Variants in CNTN5 observed in about 807,000 individuals in gnomAD.
The protein encoded by CNTN5 is contactin-5.
In CNTN5, 77 loss-of-function variants were observed where a neutral mutation model predicts 129.1. The ratio of observed to expected loss-of-function variants is 0.60; its 90% confidence interval spans 0.50 to 0.72. CNTN5 has a LOEUF of 0.72. Among genes scored for constraint, CNTN5 ranks in the 30% least tolerant of loss-of-function variants. The probability of loss-of-function intolerance (pLI) is 0.00; values close to 1 mark genes in which losing one functional copy is unlikely to be tolerated. For missense variants in CNTN5, 1,478 were observed against 1,328.8 expected (o/e 1.11, Z -1.75); for synonymous variants, 509 against 465.6 (o/e 1.09, Z -1.20).
chr11:99,627,046 C>G (rs1282769622), intron 3 of CNTN5, among the ~76,000 whole-genome samples: 1 of 152,002 alleles, frequency 6.6e-6, no homozygotes, highest in Admixed American at 6.6e-5. Flanking sequence ...AAGAAACATT[C>G]AAGGCTTGGA....
chr11:99,506,233 C>T (rs774268357), intron 2 of CNTN5, among the ~76,000 whole-genome samples: 1 of 152,116 alleles, frequency 6.6e-6, no homozygotes, highest in African/African-American at 2.4e-5. Flanking sequence ...CAGGATCGTA[C>T]TAAAAATGAA....
chr11:99,926,309 A>G (rs1009967832), intron 7 of CNTN5, among the ~76,000 whole-genome samples: 1 of 152,162 alleles, frequency 6.6e-6, no homozygotes, highest in African/African-American at 2.4e-5. Flanking sequence ...TCAGAGTTTA[A>G]GAAGGGGAAG....
chr11:99,237,432 C>T (rs542229897), intron 1 of CNTN5, among the ~76,000 whole-genome samples: 1 of 152,222 alleles, frequency 6.6e-6, no homozygotes, highest in Admixed American at 6.5e-5. Flanking sequence ...CCTGTAATCC[C>T]GACACTGTGG....
chr11:99,185,464 T>C (rs1858296572), intron 1 of CNTN5, among the ~76,000 whole-genome samples: 1 of 151,938 alleles, frequency 6.6e-6, no homozygotes, highest in Non-Finnish European at 1.5e-5. Context: ...AAAAATAAAA[T>C]ATCTTGATTT....
At chr11:100,083,456 A>G (rs1410923014) in intron 13 of CNTN5, among the ~76,000 whole-genome samples, 1 of 152,088 alleles carries the variant, frequency 6.6e-6, no homozygotes, top group Non-Finnish European at 1.5e-5. Flanking sequence ...CTGTGATCTA[A>G]TCACTTCCTA....
chr11:100,257,050 C>T (rs573694810), intron 17 of CNTN5, among the ~76,000 whole-genome samples: 139 of 152,222 alleles, frequency 9.1e-4, no homozygotes, highest in Non-Finnish European at 1.6e-3. Context: ...ATAAGATTCA[C>T]GAAATTCTCA....
chr11:100,286,903 G>C (rs1041805147), intron 18 of CNTN5, among the ~76,000 whole-genome samples: 9 of 151,992 alleles, frequency 5.9e-5, no homozygotes, highest in Non-Finnish European at 8.8e-5. Flanking sequence ...ATACAGAGAA[G>C]TGCTTAAAGG....
intron 3 of CNTN5, among the ~76,000 whole-genome samples, chr11:99,619,568 T>C (rs907174004): frequency 2.6e-5 from 4 of 152,140 alleles, no homozygotes; most frequent in Non-Finnish European, 5.9e-5. Context: ...AAAAAGTATT[T>C]TTATACTTTT....
intron 2 of CNTN5, among the ~76,000 whole-genome samples, chr11:99,476,331 T>A (rs1203184629): frequency 6.6e-6 from 1 of 152,156 alleles, no homozygotes; most frequent in Non-Finnish European, 1.5e-5. Flanking sequence ...TTTCTCATTT[T>A]AACATCTTAC....
At chr11:99,728,448 T>C (rs906369802) in intron 3 of CNTN5, among the ~76,000 whole-genome samples, 1 of 152,214 alleles carries the variant, frequency 6.6e-6, no homozygotes, top group Non-Finnish European at 1.5e-5. Context: ...TTGTTGTTGT[T>C]TTAGCAGTTA....
At chr11:99,788,873 A>G (rs1945633704) in intron 3 of CNTN5, among the ~76,000 whole-genome samples, 1 of 151,920 alleles carries the variant, frequency 6.6e-6, no homozygotes, top group South Asian at 2.1e-4. Context: ...AAGGGGGCTC[A>G]ATTTCAGATT....
intron 3 of CNTN5, among the ~76,000 whole-genome samples, chr11:99,713,795 C>A (rs534221595): frequency 6.6e-6 from 1 of 151,874 alleles, no homozygotes; most frequent in Non-Finnish European, 1.5e-5. Flanking sequence ...TTTTTCCCTT[C>A]ATTTAAAGAA....
intron 13 of CNTN5, among the ~76,000 whole-genome samples, chr11:100,085,761 G>A (rs1210063096): frequency 2.0e-5 from 3 of 152,000 alleles, no homozygotes; most frequent in Admixed American, 6.6e-5. Context: ...CTCGTAACAA[G>A]TAACAGAGCC....
Position 100,191,271 on chromosome 11 carries a change from A to G in CNTN5, c.1708+18A>G, listed in dbSNP as rs1214197759. Reference sequence around the variant, plus strand: ...TGTAAAAGGTAAGACAGCACGGGTAAATGTTTTACAAGCATAGTCTCATGG... The same window carrying G: ...TGTAAAAGGTAAGACAGCACGGGTAGATGTTTTACAAGCATAGTCTCATGG... On this transcript the variant is annotated intron_variant, in intron 14 of 24. Transcript: ENST00000524871. The G allele has an allele frequency of 6.2e-7, 1 of 1,602,850 alleles. No homozygotes were observed. Among genetic ancestry groups the G allele is most frequent in the South Asian group, 1.1e-5 (1 of 89,576 alleles).
At chr11:99,450,317 T>C (rs1009514019) in intron 2 of CNTN5, among the ~76,000 whole-genome samples, 8 of 151,388 alleles carry the variant, frequency 5.3e-5, no homozygotes, top group African/African-American at 1.9e-4. Flanking sequence ...TATACACATA[T>C]ATTGTGTATG....
rs147282810 is a variant in CNTN5, at chr11:99,630,544, G to T, written c.55+74275G>T. ...CATGCCTCACCCCCCGTTTCACACA[G>T]TCCAGGCACATGGCCACATGTGATA... is the stretch of plus-strand genomic sequence containing the variant. On this transcript the variant is annotated intron_variant, in intron 3 of 24. Transcript: ENST00000524871. Among the ~76,000 whole-genome samples, 10 of 151,686 alleles carry T rather than the reference G, an allele frequency of 6.6e-5. No individual in the cohort carries two copies. The East Asian group carries it at 9.7e-4, about 15-fold the overall frequency.
chr11:100,111,438 G>A (rs963718027), intron 13 of CNTN5, among the ~76,000 whole-genome samples: 3 of 152,140 alleles, frequency 2.0e-5, no homozygotes, highest in African/African-American at 4.8e-5. Flanking sequence ...CAGAGGCATG[G>A]CAGAGAGACA....
chr11:100,313,984 CAAAT>C (rs1364005847), intron 21 of CNTN5, among the ~76,000 whole-genome samples: 4 of 152,096 alleles, frequency 2.6e-5, no homozygotes, highest in Admixed American at 6.6e-5. Context: ...CTTCCACAAT[CAAAT>C]AAATAATCAA....
intron 2 of CNTN5, among the ~76,000 whole-genome samples, chr11:99,380,798 A>G (rs1169856986): frequency 6.6e-6 from 1 of 151,356 alleles, no homozygotes; most frequent in Non-Finnish European, 1.5e-5. Context: ...AAAAGAAAAA[A>G]GAAAAGAAAA....
Sources: allele counts gnomAD v4.1 joint callset (sites outside exome capture counted in the v4.1 genomes callset), GRCh38; gene constraint gnomAD v4.1.1; transcripts MANE v1.5; gene names NCBI Gene and HGNC (gene_info 2026-07-23, HGNC 2026-07-21).